DGKB: variants seen among roughly 807,000 people sequenced by gnomAD.
DGKB encodes the protein diacylglycerol kinase beta, also known as 90 kDa diacylglycerol kinase.
DGKB carries 67 observed loss-of-function variants against 114.3 expected under a neutral mutation model. The observed-to-expected ratio is 0.59, with a 90% CI of 0.48 to 0.72. The LOEUF is 0.72. DGKB is among the 30% of genes least tolerant of loss of function. The pLI, the probability that DGKB is intolerant of heterozygous loss-of-function variation, is 0.00. For missense variants in DGKB, 907 were observed against 975.2 expected, an observed-to-expected ratio of 0.93 and a Z score of 0.93; for synonymous variants, 398 against 323.1, an observed-to-expected ratio of 1.23 and a Z score of -2.49.
At chr7:14,450,903 C>G (rs535626596) in intron 21 of DGKB, among the ~76,000 whole-genome samples, 2 of 151,958 alleles carry the variant, frequency 1.3e-5, no homozygotes, top group Non-Finnish European at 2.9e-5. Flanking sequence ...GAGGTCAGGA[C>G]AAGTAGTTGG....
chr7:14,599,524 T>C (rs952515620), intron 17 of DGKB, among the ~76,000 whole-genome samples: 4 of 152,204 alleles, frequency 2.6e-5, no homozygotes, highest in Non-Finnish European at 5.9e-5. Flanking sequence ...TCTTCACATC[T>C]ATACTCAGCC....
intron 23 of DGKB, among the ~76,000 whole-genome samples, chr7:14,303,440 G>C (rs1249593538): frequency 6.6e-6 from 1 of 151,862 alleles, no homozygotes; most frequent in Non-Finnish European, 1.5e-5. Flanking sequence ...CTATGTTTTT[G>C]TTATTATTGG....
chr7:14,605,244 G>A (rs1342340511), intron 17 of DGKB, among the ~76,000 whole-genome samples: 2 of 151,704 alleles, frequency 1.3e-5, no homozygotes, highest in Admixed American at 6.6e-5. Context: ...TACTGAAACG[G>A]AACAATGTGT....
intron 21 of DGKB, among the ~76,000 whole-genome samples, chr7:14,415,832 T>C (rs1435159862): frequency 9.8e-5 from 15 of 152,298 alleles, no homozygotes; most frequent in Non-Finnish European, 1.9e-4. Flanking sequence ...TCTAGATCCC[T>C]GAGGAATCGC....
chr7:14,502,920 T>G (rs1181500846), intron 20 of DGKB, among the ~76,000 whole-genome samples: 2 of 152,000 alleles, frequency 1.3e-5, no homozygotes, highest in East Asian at 3.9e-4. Flanking sequence ...CTTCAACACT[T>G]TCCAATCTTC....
intron 21 of DGKB, among the ~76,000 whole-genome samples, chr7:14,389,624 C>G (rs867773633): frequency 6.6e-6 from 1 of 152,184 alleles, no homozygotes; most frequent in Non-Finnish European, 1.5e-5. Context: ...AAATAAATCA[C>G]CTCTAATTCC....
At chr7:14,961,347 C>A (rs1394438236) in intron 1 of DGKB, among the ~76,000 whole-genome samples, 1 of 152,104 alleles carries the variant, frequency 6.6e-6, no homozygotes, top group African/African-American at 2.4e-5. Flanking sequence ...CGCCAAGACT[C>A]TTTAGTAACC....
At chr7:14,510,037 G>T (rs1405156959) in intron 20 of DGKB, among the ~76,000 whole-genome samples, 1 of 152,130 alleles carries the variant, frequency 6.6e-6, no homozygotes, top group Non-Finnish European at 1.5e-5. Context: ...TTAGCCCGGC[G>T]TGGCGGCGGG....
At chr7:14,861,551 G>A (rs1850979563) in intron 1 of DGKB, among the ~76,000 whole-genome samples, 1 of 151,824 alleles carries the variant, frequency 6.6e-6, no homozygotes, top group African/African-American at 2.4e-5. Flanking sequence ...TACCTGCTAT[G>A]CAGTTTATGA....
At chr7:14,709,211 A>C (rs1730438054) in intron 6 of DGKB, among the ~76,000 whole-genome samples, 1 of 152,210 alleles carries the variant, frequency 6.6e-6, no homozygotes, top group Admixed American at 6.5e-5. Context: ...AGGCACATGA[A>C]AAAATGCTCA....
intron 21 of DGKB, among the ~76,000 whole-genome samples, chr7:14,434,504 T>G (rs1828947676): frequency 6.6e-6 from 1 of 152,066 alleles, no homozygotes; most frequent in Non-Finnish European, 1.5e-5. Context: ...CGTTGCTGGC[T>G]TTGCAGATAG....
At chr7:14,590,314 A>T (rs1017050221) in intron 17 of DGKB, among the ~76,000 whole-genome samples, 1 of 152,068 alleles carries the variant, frequency 6.6e-6, no homozygotes, top group African/African-American at 2.4e-5. Context: ...CTAGATTTTC[A>T]AACATTGGCA....
rs566791999 is a variant in DGKB, at chr7:14,338,316, C to T, written c.2122+199G>A. On this transcript the variant is annotated intron_variant, in intron 23 of 25. Transcript: ENST00000402815. ...AAGAGCTATATACGAAGAAGAATAA[C>T]GAAAAATGTAGCCAATTTATACTTG... Among the ~76,000 whole-genome samples, 6 of 151,950 alleles carry T rather than the reference C, an allele frequency of 3.9e-5. No homozygotes were observed. In the South Asian group the frequency reaches 6.2e-4, roughly 16 times the overall value.
At chr7:14,654,506 A>G (rs1338420010) in intron 13 of DGKB, among the ~76,000 whole-genome samples, 2 of 152,042 alleles carry the variant, frequency 1.3e-5, no homozygotes, top group Non-Finnish European at 2.9e-5. Flanking sequence ...TAAAAATTGC[A>G]ATTACATTTT....
At chr7:14,189,901 A>G (rs1029755663) in intron 23 of DGKB, among the ~76,000 whole-genome samples, 6 of 152,204 alleles carry the variant, frequency 3.9e-5, no homozygotes, top group African/African-American at 1.4e-4. Flanking sequence ...GCACTCAAAT[A>G]TATAGAGCAA....
At chr7:14,246,388 T>G (rs1794481303) in intron 23 of DGKB, among the ~76,000 whole-genome samples, 1 of 152,118 alleles carries the variant, frequency 6.6e-6, no homozygotes, top group Non-Finnish European at 1.5e-5. Context: ...ATCACACAGC[T>G]GGTAAGTGAA....
intron 2 of DGKB, among the ~76,000 whole-genome samples, chr7:14,777,100 C>T (rs892852910): frequency 1.3e-5 from 2 of 152,008 alleles, no homozygotes; most frequent in African/African-American, 4.8e-5. Flanking sequence ...TTGCACGGGC[C>T]CTGTAGCTCC....
At chr7:14,167,036 C>T (rs1475116794) in intron 25 of DGKB, among the ~76,000 whole-genome samples, 3 of 151,826 alleles carry the variant, frequency 2.0e-5, no homozygotes, top group Non-Finnish European at 4.4e-5. Flanking sequence ...AGGGTGAAAA[C>T]CCATCTGTAC....
chr7:14,868,156 G>A (rs889130309), intron 1 of DGKB, among the ~76,000 whole-genome samples: 4 of 151,834 alleles, frequency 2.6e-5, no homozygotes, highest in Non-Finnish European at 4.4e-5. Context: ...ACCCTCCTAG[G>A]GTCAGTCTTT....
Sources: gnomAD v4.1 joint callset for allele counts (sites outside exome capture counted in the v4.1 genomes callset) on GRCh38, gnomAD v4.1.1 for gene constraint, MANE v1.5 for transcripts, NCBI Gene and HGNC (gene_info 2026-07-23, HGNC 2026-07-21) for gene names.